Variants in SYNE3 observed in about 807,000 individuals in gnomAD.
The protein encoded by SYNE3 is nesprin-3.
SYNE3 carries 100 observed loss-of-function variants against 111.2 expected under a neutral mutation model. That is an observed-to-expected ratio of 0.90 (90% CI 0.77 to 1.06). The LOEUF is 1.06. Ranked by LOEUF, SYNE3 falls within the 50% of genes least tolerant of loss-of-function variation. SYNE3 has a pLI of 0.00. For synonymous variants in SYNE3, 547 were observed against 533.9 expected (o/e 1.02, Z -0.34); for missense variants, 1,160 against 1,240.3 (o/e 0.94, Z 0.97).
rs558178694 is a variant in SYNE3 at position 95,407,532 on chromosome 14, C to T, written c.*10294G>A. On this transcript the variant is annotated 3_prime_UTR_variant, in exon 18 of 18. Transcript: ENST00000682763. ...GAACCGAGATAACACACACATGTTC[C>T]GAGACAGTCGTTTGGCTCCAATACT... The T allele has an allele frequency of 9.2e-5, 14 of 152,134 alleles. No homozygotes were observed. The highest frequency in any genetic ancestry group is 1.3e-4 in the Non-Finnish European group (9 of 68,006). 9.4% of individuals were successfully genotyped at this position (152,134 alleles called of 1,614,324 possible).
Position 95,439,991 on chromosome 14 carries a change from C to A in SYNE3, c.1996G>T (p.Val666Leu), listed in dbSNP as rs945131973. The change falls in exon 12 of 18, where the codon GTG becomes TTG. Residue 666 changes from valine to leucine, a missense_variant. Physicochemically the swap from Val to Leu is conservative, Grantham distance 32 (BLOSUM62 1). Coordinates refer to ENST00000682763, the MANE Select transcript of SYNE3 (RefSeq NM_152592.6). ...QLLELRQWIV[V>L]TTQKLEAHRG... Reference sequence around the variant, plus strand: ...TGTGCCTCCAGCTTTTGCGTGGTCACAACGATCCACTGCCGCAGCTCCAGC... The same window carrying A: ...TGTGCCTCCAGCTTTTGCGTGGTCAAAACGATCCACTGCCGCAGCTCCAGC... 1 of 1,613,646 alleles carries A rather than the reference C, an allele frequency of 6.2e-7. No homozygotes were observed. Among genetic ancestry groups the A allele is most frequent in the East Asian group, 2.2e-5 (1 of 44,874 alleles).
chr14:95,487,603 T>C (rs565062312), intron 1 of SYNE3, among the ~76,000 whole-genome samples: 2 of 152,272 alleles, frequency 1.3e-5, no homozygotes, highest in African/African-American at 4.8e-5. Flanking sequence ...CTGCACAGTT[T>C]GATAAGTTTT....
At chr14:95,489,347 G>T (rs1889721866) in intron 1 of SYNE3, among the ~76,000 whole-genome samples, 1 of 152,212 alleles carries the variant, frequency 6.6e-6, no homozygotes, top group African/African-American at 2.4e-5. Flanking sequence ...GCAGCTGCCA[G>T]GGGTTCTCCT....
In SYNE3 at chr14:95,470,454, G is replaced by A. The variant is rs1459222912; in HGVS notation, c.145-2487C>T. Reference sequence around the variant, plus strand: ...GCAACCACTCTGGGCAAGACAGTGAGGCCCCATCTCTCCAAAAGCATTTTT... The same window carrying A: ...GCAACCACTCTGGGCAAGACAGTGAAGCCCCATCTCTCCAAAAGCATTTTT... On this transcript the variant is annotated intron_variant, in intron 2 of 17. Transcript: ENST00000682763. This position sits in a 1 kb window ranked among gnomAD's most constrained non-coding sequence, Gnocchi z 4.2. Among the ~76,000 whole-genome samples, 1 of 151,454 alleles carries A rather than the reference G, an allele frequency of 6.6e-6. No individual in the cohort carries two copies. Among genetic ancestry groups the A allele is most frequent in the East Asian group, 1.9e-4 (1 of 5,154 alleles).
At chr14:95,445,751 G>A in intron 9 of SYNE3, among the ~76,000 whole-genome samples, 158 bp downstream of exon 9, 1 of 152,250 alleles carries the variant, frequency 6.6e-6, no homozygotes, top group Non-Finnish European at 1.5e-5. Flanking sequence ...GTTTACACAT[G>A]AGGAGGCTGA....
intron 5 of SYNE3, 68 bp from the exon 6 acceptor site, chr14:95,455,792 AG>A (rs758675496): frequency 6.6e-7 from 1 of 1,512,926 alleles, no homozygotes; most frequent in Admixed American, 1.7e-5. Flanking sequence ...CATTTTCCAG[AG>A]CAGACCTGGG....
rs1206536783 is a variant in SYNE3, at chr14:95,470,617, C to G, written c.145-2650G>C. ...AGTGAGCCATGATCACACTACTGCA[C>G]TCAAGCCTGGGCAGCAGGGCAAGAA... On this transcript the variant is annotated intron_variant, in intron 2 of 17. Transcript: ENST00000682763. This position sits in a 1 kb window ranked among gnomAD's most constrained non-coding sequence, Gnocchi z 4.2. 6.6e-6 allele frequency among the ~76,000 whole-genome samples: 1 copy of G among 151,898 alleles called. No individual in the cohort carries two copies. The highest frequency in any genetic ancestry group is 1.5e-5 in the Non-Finnish European group (1 of 68,010).
chr14:95,433,275 G>A lies in SYNE3; in HGVS notation c.2673C>T (p.Asp891=). ...QWMLYKSKLK[D]SGHLLTQSSP... is the part of the protein sequence containing the mutation. ...TGGCACCTACCAGCAGGTGGCCAGA[G>A]TCCTTCAGCTTGGACTTGTACAGCA... Residue 891 remains aspartate, a synonymous_variant, in exon 16 of 18, where the codon GAC becomes GAT. Coordinates refer to ENST00000682763, the MANE Select transcript of SYNE3 (RefSeq NM_152592.6). The A allele has an allele frequency of 6.2e-7, 1 of 1,613,996 alleles. No homozygotes were observed.
chr14:95,463,097 A>G (rs954677747), intron 4 of SYNE3, among the ~76,000 whole-genome samples: 1 of 152,152 alleles, frequency 6.6e-6, no homozygotes, highest in Non-Finnish European at 1.5e-5. Context: ...CAGAGGTTGC[A>G]GTGAGCTGAG....
chr14:95,434,940 C>T (rs1217488995), intron 15 of SYNE3, among the ~76,000 whole-genome samples: 2 of 152,258 alleles, frequency 1.3e-5, no homozygotes, highest in Non-Finnish European at 2.9e-5. Flanking sequence ...AGGCGTGAGC[C>T]ACCGTGCCCT....
intron 4 of SYNE3, among the ~76,000 whole-genome samples, chr14:95,462,334 G>A (rs1257229681): frequency 6.6e-6 from 1 of 152,184 alleles, no homozygotes; most frequent in Admixed American, 6.5e-5. Context: ...TGAGAACAAA[G>A]TCCTCAAGCT....
chr14:95,417,776 C>T lies in SYNE3; in HGVS notation c.*50G>A. The T allele has an allele frequency of 6.2e-7, 1 of 1,600,918 alleles. No individual in the cohort carries two copies. ...CTGGCGAGCATCCTCAGGAGGGGCC[C>T]TGGGACTGATGGAGGTTGGAGGAGA... On this transcript the variant is annotated 3_prime_UTR_variant, in exon 18 of 18. Coordinates refer to ENST00000682763, the MANE Select transcript of SYNE3 (RefSeq NM_152592.6).
rs138444931 is a variant in SYNE3, at chr14:95,466,178, C to A, written c.380G>T (p.Arg127Leu). ...EYLLARDEFY[R>L]WFQKMMVTLE... is the part of the protein sequence containing the mutation. ...TGTGACCATCATCTTCTGGAACCAG[C>A]GGTAGAACTCATCTCGGGCCAGCAG... is the stretch of plus-strand genomic sequence containing the variant. The change falls in exon 4 of 18, where the codon CGC becomes CTC. Residue 127 changes from arginine (R) to leucine (L), a missense_variant. Coordinates refer to ENST00000682763, the MANE Select transcript of SYNE3 (RefSeq NM_152592.6). 6.9e-6 allele frequency: 11 copies of A among 1,599,114 alleles called. No individual in the cohort carries two copies. In the East Asian group the frequency reaches 2.3e-4, roughly 33 times the overall value.
chr14:95,479,224 CAAAAAAAAAAAAAA>C (rs71132351), intron 1 of SYNE3, among the ~76,000 whole-genome samples: 1 of 86,300 alleles, frequency 1.2e-5, no homozygotes, highest in South Asian at 3.7e-4. Flanking sequence ...TCGTCTCTAC[CAAAAAAAAAAAAAA>C]AAAAAAAAAA....
Position 95,411,344 on chromosome 14 carries a change from A to G in SYNE3, c.*6482T>C, listed in dbSNP as rs1595162262. On this transcript the variant is annotated 3_prime_UTR_variant, in exon 18 of 18. Transcript: ENST00000682763. ...TTCAAAAAAAAAAAAAGAAAAAAGA[A>G]AAGGAGACCAGAATTGAGAGCTTTC... 6.6e-6 allele frequency: 1 copy of G among 152,032 alleles called. No homozygotes were observed. Among genetic ancestry groups the G allele is most frequent in the Non-Finnish European group, 1.5e-5 (1 of 67,974 alleles). 9.4% of individuals were successfully genotyped at this position (152,032 alleles called of 1,614,324 possible). A position where few individuals can be genotyped will look rare whatever the true frequency, so the allele number is the denominator to read the frequency against.
chr14:95,464,822 C>T (rs768009405), intron 4 of SYNE3, among the ~76,000 whole-genome samples: 21 of 152,232 alleles, frequency 1.4e-4, no homozygotes, highest in Admixed American at 3.3e-4. Flanking sequence ...TCAGGGGACA[C>T]ATAGGTGCCT....
chr14:95,438,727 C>T (rs1298174958), intron 14 of SYNE3: 1 of 273,480 alleles, frequency 3.7e-6, no homozygotes, highest in Non-Finnish European at 7.0e-6. Context: ...TCAGCCCCGA[C>T]ACTCTCTTCC....
intron 14 of SYNE3, 108 bp downstream of exon 14, chr14:95,438,925 A>G: frequency 6.7e-7 from 1 of 1,491,230 alleles, no homozygotes; most frequent in Non-Finnish European, 9.2e-7. Flanking sequence ...AAGTCCTCAG[A>G]GCAGAGCATG....
rs570562088 is a variant in SYNE3 at position 95,478,224 on chromosome 14, A to G, written c.-14-2389T>C. On this transcript the variant is annotated intron_variant, in intron 1 of 17. Coordinates refer to ENST00000682763, the MANE Select transcript of SYNE3 (RefSeq NM_152592.6). Reference sequence around the variant, plus strand: ...ATTCTGCCTATTTTGCTTCAGTTCAATGAAACACAGGACTTAAGAGGCAGG... The same window carrying G: ...ATTCTGCCTATTTTGCTTCAGTTCAGTGAAACACAGGACTTAAGAGGCAGG... Among the ~76,000 whole-genome samples, 31 of 152,326 alleles carry G rather than the reference A, an allele frequency of 2.0e-4. No individual in the cohort carries two copies. The East Asian group carries it at 2.1e-3, about 10-fold the overall frequency.
Sources: allele counts gnomAD v4.1 joint callset (sites outside exome capture counted in the v4.1 genomes callset), GRCh38; gene constraint gnomAD v4.1.1; non-coding constraint Gnocchi (gnomAD v3.1); transcripts MANE v1.5; gene names NCBI Gene and HGNC (gene_info 2026-07-23, HGNC 2026-07-21).